DLGAP1: variants seen among roughly 807,000 people sequenced by gnomAD.
DLGAP1 encodes DLG associated protein 1, also known as disks large-associated protein 1.
A neutral mutation model predicts 90.8 loss-of-function variants in DLGAP1; 11 were observed. That is an observed-to-expected ratio of 0.12 (90% CI 0.08 to 0.20). DLGAP1 has a LOEUF of 0.20. DLGAP1 is among the 10% of genes least tolerant of loss of function. The pLI is 1.00. For missense variants in DLGAP1, 1,050 were observed against 1,333.8 expected (o/e 0.79, Z 3.31); for synonymous variants, 558 against 540.7 (o/e 1.03, Z -0.44).
At chr18:4,011,571 C>A (rs1374539166) in intron 2 of DLGAP1, among the ~76,000 whole-genome samples, 1 of 151,626 alleles carries the variant, frequency 6.6e-6, no homozygotes, top group Non-Finnish European at 1.5e-5. Flanking sequence ...AATCCCAGCA[C>A]TTTGGGAGGC....
At chr18:3,922,369 CT>C (rs1212069951) in intron 3 of DLGAP1, among the ~76,000 whole-genome samples, 1 of 152,200 alleles carries the variant, frequency 6.6e-6, no homozygotes. Context: ...GTCTTTACCC[CT>C]GGAGAAGAAT....
rs185511030 is a variant in DLGAP1, at chr18:4,270,241, T to C, written c.-266-118954A>G. 9.2e-5 allele frequency among the ~76,000 whole-genome samples: 14 copies of C among 152,288 alleles called. No individual in the cohort carries two copies. The East Asian group carries it at 2.5e-3, about 27-fold the overall frequency. ...TCAGGTAGGTTGTTTTGCAATGGCTTTATTTCATTTTCCCCTCTTATTACC... is the reference window on the plus strand; with the variant it reads ...TCAGGTAGGTTGTTTTGCAATGGCTCTATTTCATTTTCCCCTCTTATTACC... On this transcript the variant is annotated intron_variant, in intron 1 of 12. Transcript: ENST00000315677.
At chr18:3,864,977 C>A (rs1360179480) in intron 4 of DLGAP1, among the ~76,000 whole-genome samples, 2 of 151,906 alleles carry the variant, frequency 1.3e-5, no homozygotes, top group Non-Finnish European at 2.9e-5. Flanking sequence ...ACTTAGTTAA[C>A]ACTCTGGGAT....
chr18:4,354,277 C>T (rs1273535668), intron 1 of DLGAP1, among the ~76,000 whole-genome samples: 1 of 152,130 alleles, frequency 6.6e-6, no homozygotes, highest in Non-Finnish European at 1.5e-5. Flanking sequence ...GTCATAAAAC[C>T]TAGAACGATT....
At chr18:4,353,645 T>C (rs1315163291) in intron 1 of DLGAP1, among the ~76,000 whole-genome samples, 1 of 151,920 alleles carries the variant, frequency 6.6e-6, no homozygotes, top group Non-Finnish European at 1.5e-5. Context: ...CTTAAAACCG[T>C]GAAACTAGTG....
chr18:4,382,918 T>G (rs1166254276), intron 1 of DLGAP1, among the ~76,000 whole-genome samples: 1 of 152,132 alleles, frequency 6.6e-6, no homozygotes, highest in African/African-American at 2.4e-5. Context: ...GGCCACACAC[T>G]GGATTACTTG....
intron 2 of DLGAP1, among the ~76,000 whole-genome samples, chr18:4,079,914 A>G (rs1215386621): frequency 6.6e-6 from 1 of 152,128 alleles, no homozygotes; most frequent in Non-Finnish European, 1.5e-5. Context: ...GCTCTTCCTT[A>G]TACATTCGGG....
chr18:4,444,485 A>G (rs2083613554), intron 1 of DLGAP1, among the ~76,000 whole-genome samples: 1 of 152,198 alleles, frequency 6.6e-6, no homozygotes, highest in Non-Finnish European at 1.5e-5. Flanking sequence ...CAGCACATAC[A>G]GCCTACATGC....
At chr18:4,042,731 C>T (rs2074994332) in intron 2 of DLGAP1, among the ~76,000 whole-genome samples, 1 of 152,122 alleles carries the variant, frequency 6.6e-6, no homozygotes, top group Non-Finnish European at 1.5e-5. Flanking sequence ...CAGAGCGAGA[C>T]TTTGTCTCAA....
chr18:4,310,412 A>G (rs140042395), intron 1 of DLGAP1, among the ~76,000 whole-genome samples: 1 of 152,218 alleles, frequency 6.6e-6, no homozygotes, highest in East Asian at 1.9e-4. Flanking sequence ...TCCAATTGCC[A>G]TCTTCCCCAG....
intron 2 of DLGAP1, among the ~76,000 whole-genome samples, chr18:4,141,463 A>T (rs1391910676): frequency 6.6e-6 from 1 of 152,024 alleles, no homozygotes; most frequent in Non-Finnish European, 1.5e-5. Context: ...ATTCCATGTC[A>T]TGTAGCCTCT....
chr18:4,452,965 A>G (rs537314262), intron 1 of DLGAP1, among the ~76,000 whole-genome samples: 18 of 152,330 alleles, frequency 1.2e-4, no homozygotes, highest in Admixed American at 4.6e-4. Flanking sequence ...TTTGCAGACT[A>G]ATCTTAGAAT....
chr18:3,744,545 A>G (rs2063188549), intron 5 of DLGAP1, among the ~76,000 whole-genome samples: 1 of 152,060 alleles, frequency 6.6e-6, no homozygotes, highest in Non-Finnish European at 1.5e-5. Context: ...TGCGACAAAA[A>G]TCTCCATGTC....
intron 1 of DLGAP1, among the ~76,000 whole-genome samples, chr18:4,269,160 A>C (rs898404362): frequency 2.0e-5 from 3 of 151,698 alleles, no homozygotes; most frequent in African/African-American, 7.3e-5. Flanking sequence ...CCCATATTGC[A>C]GTAAGATATA....
chr18:3,553,686 A>G (rs2053600724), intron 9 of DLGAP1, among the ~76,000 whole-genome samples: 1 of 152,062 alleles, frequency 6.6e-6, no homozygotes, highest in South Asian at 2.1e-4. Flanking sequence ...GATGTGCGCC[A>G]TCATGCCTGG....
At chr18:4,083,112 T>C (rs1001660007) in intron 2 of DLGAP1, among the ~76,000 whole-genome samples, 2 of 152,174 alleles carry the variant, frequency 1.3e-5, no homozygotes, top group Non-Finnish European at 2.9e-5. Flanking sequence ...ATACATGTGA[T>C]TCCTACTATT....
chr18:4,188,340 A>C (rs1247187711), intron 1 of DLGAP1, among the ~76,000 whole-genome samples: 6 of 152,124 alleles, frequency 3.9e-5, no homozygotes, highest in Non-Finnish European at 7.4e-5. Context: ...TCCGGGATAC[A>C]TGTGCAGAAT....
intron 10 of DLGAP1, among the ~76,000 whole-genome samples, chr18:3,524,285 A>G (rs776177549): frequency 7.2e-5 from 11 of 152,116 alleles, no homozygotes; most frequent in Non-Finnish European, 1.3e-4. Context: ...AATTAAAAAA[A>G]AAAGAAAGAA....
chr18:4,093,396 C>A (rs2075619986), intron 2 of DLGAP1, among the ~76,000 whole-genome samples: 1 of 152,006 alleles, frequency 6.6e-6, no homozygotes. Context: ...ACCAGAGGGA[C>A]CAAATGCTGA....
Sources: allele counts gnomAD v4.1 joint callset (sites outside exome capture counted in the v4.1 genomes callset), GRCh38; gene constraint gnomAD v4.1.1; transcripts MANE v1.5; gene names NCBI Gene and HGNC (gene_info 2026-07-23, HGNC 2026-07-21).